The following PSPH variants were observed in gnomAD, a reference collection of about 807,000 sequenced individuals.
The protein encoded by PSPH is L-3-phosphoserine phosphatase.
A neutral mutation model predicts 23.4 loss-of-function variants in PSPH; 16 were observed. That is an observed-to-expected ratio of 0.68 (90% CI 0.46 to 1.04). PSPH has a LOEUF of 1.04. PSPH is among the 50% of genes least tolerant of loss of function. The probability of loss-of-function intolerance (pLI) is 0.00; values close to 1 mark genes in which losing one functional copy is unlikely to be tolerated. For synonymous variants in PSPH, 68 were observed against 99.7 expected (o/e 0.68, Z 1.89); for missense variants, 223 against 273.7 (o/e 0.81, Z 1.31).
chr7:56,051,054 TA>T (rs1332116886), intron 1 of PSPH, 83 bp downstream of exon 1: 1 of 152,052 alleles, frequency 6.6e-6, no homozygotes, highest in Non-Finnish European at 1.5e-5. Flanking sequence ...ATAAATAAAG[TA>T]AAATACCACG....
intron 1 of PSPH, among the ~76,000 whole-genome samples, chr7:56,050,478 C>G (rs968511608): frequency 3.3e-5 from 5 of 152,108 alleles, no homozygotes; most frequent in Non-Finnish European, 5.9e-5. Flanking sequence ...GTTACCCAGA[C>G]TGGTCTTGAA....
intron 1 of PSPH, among the ~76,000 whole-genome samples, chr7:56,037,226 G>A (rs1791840110): frequency 6.7e-6 from 1 of 149,862 alleles, no homozygotes; most frequent in African/African-American, 2.4e-5. Context: ...GATAGGACAT[G>A]TGAACCAAAT....
In PSPH at chr7:56,017,471, T is replaced by G. The variant is rs1421087987; in HGVS notation, c.276-92A>C. 3 of 1,549,276 alleles carry G rather than the reference T, an allele frequency of 1.9e-6. No individual in the cohort carries two copies. The Admixed American group carries it at 6.3e-5, about 32-fold the overall frequency. ...CATGAAGAGGGAAATAAGATACATT[T>G]TCTTCTCCTGAATGCATTTGCCTGA... is the stretch of plus-strand genomic sequence containing the variant. On this transcript the variant is annotated intron_variant, in intron 5 of 7. Transcript: ENST00000275605.
chr7:56,014,662 G>A (rs995422892), intron 7 of PSPH, among the ~76,000 whole-genome samples: 3 of 152,122 alleles, frequency 2.0e-5, no homozygotes, highest in African/African-American at 7.2e-5. Context: ...ACAAAAGTAC[G>A]GCCGGGCACG....
intron 3 of PSPH, among the ~76,000 whole-genome samples, chr7:56,030,589 T>A (rs1790842500): frequency 6.6e-6 from 1 of 151,974 alleles, no homozygotes; most frequent in Non-Finnish European, 1.5e-5. Flanking sequence ...TACATGAGGA[T>A]ACAAAGACGG....
intron 1 of PSPH, among the ~76,000 whole-genome samples, chr7:56,048,118 A>C (rs1486711086): frequency 6.6e-6 from 1 of 152,078 alleles, no homozygotes; most frequent in Non-Finnish European, 1.5e-5. Context: ...ATTTCTACTA[A>C]AAGTACAAAA....
rs766615747 is a variant in PSPH at position 56,027,004 on chromosome 7, G to A, written c.-20+4925C>T. On this transcript the variant is annotated intron_variant, in intron 3 of 7. Coordinates refer to ENST00000275605, the MANE Select transcript of PSPH (RefSeq NM_004577.4). ...GTGGATCACCTGAGGTTGGGAGTTC[G>A]AGACCAGCCTGACCAACATGGTGAA... Among the ~76,000 whole-genome samples the A allele has an allele frequency of 3.3e-5, 5 of 151,934 alleles. No homozygotes were observed. In the South Asian group the frequency reaches 6.2e-4, roughly 19 times the overall value.
chr7:56,019,683 C>T lies in PSPH; in HGVS notation c.192G>A (p.Glu64=). 3 of 1,613,896 alleles carry T rather than the reference C, an allele frequency of 1.9e-6. No homozygotes were observed. The highest frequency in any genetic ancestry group is 2.5e-6 in the Non-Finnish European group (3 of 1,179,872). ...GAVPFKAALT[E]RLALIQPSRE... is the part of the protein sequence containing the mutation. Reference sequence around the variant, plus strand: ...TGGAGGGCTGGATGAGGGCTAAGCGCTCTGTGAGAGCAGCTTTGAAAGGCA... The same window carrying T: ...TGGAGGGCTGGATGAGGGCTAAGCGTTCTGTGAGAGCAGCTTTGAAAGGCA... The change falls in exon 5 of 8, where the codon GAG becomes GAA. Residue 64 remains glutamate (E), a synonymous_variant. Transcript: ENST00000275605.
intron 1 of PSPH, among the ~76,000 whole-genome samples, chr7:56,037,418 T>G (rs1791856847): frequency 6.8e-6 from 1 of 146,232 alleles, no homozygotes; most frequent in African/African-American, 2.5e-5. Context: ...AGGTTTTCTT[T>G]CCTTTTTTTT....
chr7:56,032,709 G>A (rs1266880911), intron 2 of PSPH, among the ~76,000 whole-genome samples: 2 of 151,846 alleles, frequency 1.3e-5, no homozygotes, highest in South Asian at 2.1e-4. Context: ...CCAGCACTTC[G>A]GGAGGCCGAG....
At chr7:56,043,666 C>T (rs1344369477) in intron 1 of PSPH, among the ~76,000 whole-genome samples, 1 of 142,404 alleles carries the variant, frequency 7.0e-6, no homozygotes, top group African/African-American at 2.6e-5. Context: ...CACCCCAACC[C>T]CTGTCTCTAC....
In PSPH at chr7:56,011,556, T is replaced by C. The variant is rs1165351394; in HGVS notation, c.*206A>G. On this transcript the variant is annotated 3_prime_UTR_variant, in exon 8 of 8. Transcript: ENST00000275605. Reference sequence around the variant, plus strand: ...AAAAAAAAAAAACCTCTCCAGGAAATCAATAGTCATCATATAATACTGGAA... The same window carrying C: ...AAAAAAAAAAAACCTCTCCAGGAAACCAATAGTCATCATATAATACTGGAA... 1 of 349,236 alleles carries C rather than the reference T, an allele frequency of 2.9e-6. No individual in the cohort carries two copies. Among genetic ancestry groups the C allele is most frequent in the Non-Finnish European group, 5.2e-6 (1 of 193,242 alleles). The allele number at this position is 349,236 out of a possible 1,614,324, so 21.6% of individuals were successfully genotyped here. A position where few individuals can be genotyped will look rare whatever the true frequency, so the allele number is the denominator to read the frequency against.
At chr7:56,042,369 A>G (rs1410833012) in intron 1 of PSPH, among the ~76,000 whole-genome samples, 2 of 151,950 alleles carry the variant, frequency 1.3e-5, no homozygotes, top group Admixed American at 1.3e-4. Context: ...AGCAGAAGGG[A>G]GCCGGGCACA....
chr7:56,040,920 G>A (rs1792441501), intron 1 of PSPH, among the ~76,000 whole-genome samples: 1 of 152,022 alleles, frequency 6.6e-6, no homozygotes, highest in African/African-American at 2.4e-5. Context: ...CAGAAAGGGA[G>A]TGGAAACCCT....
chr7:56,046,479 C>T (rs552336408), intron 1 of PSPH, among the ~76,000 whole-genome samples: 3 of 152,074 alleles, frequency 2.0e-5, no homozygotes, highest in East Asian at 1.9e-4. Flanking sequence ...GATCCTCCCA[C>T]GTTGGCCTTC....
intron 1 of PSPH, among the ~76,000 whole-genome samples, chr7:56,038,451 T>G (rs952022098): frequency 1.1e-4 from 17 of 151,764 alleles, no homozygotes; most frequent in African/African-American, 4.1e-4. Context: ...AAAGCGAGAC[T>G]CCGTCTAAAA....
chr7:56,043,859 C>T (rs1052461622), intron 1 of PSPH, among the ~76,000 whole-genome samples: 23 of 152,120 alleles, frequency 1.5e-4, no homozygotes, highest in African/African-American at 5.1e-4. Context: ...TATGAGCCAG[C>T]GATTTTTTTG....
chr7:56,025,741 G>A (rs377022380), intron 3 of PSPH, among the ~76,000 whole-genome samples: 59 of 152,178 alleles, frequency 3.9e-4, no homozygotes, highest in African/African-American at 1.3e-3. Flanking sequence ...CTATAGGCAC[G>A]TGCCACCACA....
chr7:56,050,921 G>A (rs1368561231), intron 1 of PSPH, among the ~76,000 whole-genome samples: 1 of 151,994 alleles, frequency 6.6e-6, no homozygotes, highest in Non-Finnish European at 1.5e-5. Flanking sequence ...GCTCACGCCT[G>A]TAATCCCAAC....
Sources: allele counts gnomAD v4.1 joint callset (sites outside exome capture counted in the v4.1 genomes callset), GRCh38; gene constraint gnomAD v4.1.1; transcripts MANE v1.5; gene names NCBI Gene and HGNC (gene_info 2026-07-23, HGNC 2026-07-21).